ZNF891: variants seen among roughly 807,000 people sequenced by gnomAD.
ZNF891 encodes zinc finger protein 891.
For missense variants in ZNF891, 589 were observed against 632.7 expected, an observed-to-expected ratio of 0.93 and a Z score of 0.74; for synonymous variants, 199 against 209.0, an observed-to-expected ratio of 0.95 and a Z score of 0.41.
In ZNF891 at chr12:133,107,830, A is replaced by G. The variant is rs1473769248; in HGVS notation, c.*12454T>C. 1 of 152,208 alleles carries G rather than the reference A, an allele frequency of 6.6e-6. No individual in the cohort carries two copies. The highest frequency in any genetic ancestry group is 1.5e-5 in the Non-Finnish European group (1 of 68,020). 9.4% of individuals were successfully genotyped at this position (152,208 alleles called of 1,614,324 possible). ...CTTAATCAGGAAGGTAAGCAATTTT[A>G]TTTTGTAGAAAGAGAGGTAGAGAAT... On this transcript the variant is annotated 3_prime_UTR_variant, in exon 2 of 2. Coordinates refer to ENST00000537226, the MANE Select transcript of ZNF891 (RefSeq NM_001277291.2).
In ZNF891 at chr12:133,111,784, A is replaced by C. The variant is rs1293622662; in HGVS notation, c.*8500T>G. 1 of 152,218 alleles carries C rather than the reference A, an allele frequency of 6.6e-6. No individual in the cohort carries two copies. Among genetic ancestry groups the C allele is most frequent in the East Asian group, 1.9e-4 (1 of 5,206 alleles). 9.4% of individuals were successfully genotyped at this position (152,218 alleles called of 1,614,324 possible). A position where few individuals can be genotyped will look rare whatever the true frequency, so the allele number is the denominator to read the frequency against. ...AAACAAATCTCATTGTCTTTTAAAAAGTGAATGCAACTTATGGAAAAATTA... is the reference window on the plus strand; with the variant it reads ...AAACAAATCTCATTGTCTTTTAAAACGTGAATGCAACTTATGGAAAAATTA... On this transcript the variant is annotated 3_prime_UTR_variant, in exon 2 of 2. Coordinates refer to ENST00000537226, the MANE Select transcript of ZNF891 (RefSeq NM_001277291.2).
At chr12:133,123,078 T>C (rs1181900000) in intron 1 of ZNF891, among the ~76,000 whole-genome samples, 1 of 152,220 alleles carries the variant, frequency 6.6e-6, no homozygotes, top group Non-Finnish European at 1.5e-5. Context: ...GAAGACTAGG[T>C]AGTTAACCGT....
chr12:133,128,624 ACT>A (rs1480874876), intron 1 of ZNF891, among the ~76,000 whole-genome samples: 1 of 151,960 alleles, frequency 6.6e-6, no homozygotes, highest in African/African-American at 2.4e-5. Flanking sequence ...AGAGAGAGAG[ACT>A]CTGTCTCAAA....
rs7959401 is a variant in ZNF891, at chr12:133,117,798, C to T, written c.*2486G>A. The T allele has an allele frequency of 0.29, 43,940 of 152,034 alleles. 6,584 individuals carry two copies. Among genetic ancestry groups the T allele is most frequent in the African/African-American group, 0.34 (14,081 of 41,434 alleles). The allele number at this position is 152,034 out of a possible 1,614,324, so 9.4% of individuals were successfully genotyped here. A position where few individuals can be genotyped will look rare whatever the true frequency, so the allele number is the denominator to read the frequency against. On this transcript the variant is annotated 3_prime_UTR_variant, in exon 2 of 2. Coordinates refer to ENST00000537226, the MANE Select transcript of ZNF891 (RefSeq NM_001277291.2). ...CCCTTTATTGATTCCTAAAGTCAGC[C>T]CAATCTAGCAACCATCTTCATTATG... is the stretch of plus-strand genomic sequence containing the variant.
rs1955533989 is a variant in ZNF891, at chr12:133,104,955, C to T, written c.*15329G>A. Among the ~76,000 whole-genome samples the T allele has an allele frequency of 6.6e-6, 1 of 152,122 alleles. No individual in the cohort carries two copies. Among genetic ancestry groups the T allele is most frequent in the African/African-American group, 2.4e-5 (1 of 41,428 alleles). ...TTAATCCTTACCCTCCTCCCACATT[C>T]CACCCTCAAATAGGTCCCAGAAAAG... On this transcript the variant is annotated 3_prime_UTR_variant, in exon 2 of 2. Transcript: ENST00000537226.
In ZNF891 at chr12:133,109,573, G is replaced by A. The variant is rs997102548; in HGVS notation, c.*10711C>T. 3.9e-5 allele frequency: 6 copies of A among 152,120 alleles called. No homozygotes were observed. Among genetic ancestry groups the A allele is most frequent in the Non-Finnish European group, 5.9e-5 (4 of 68,030 alleles). 9.4% of individuals were successfully genotyped at this position (152,120 alleles called of 1,614,324 possible). ...AAGAAAAACTATTGCAGTGGGGGAC[G>A]GGGGGCTCATATGTACACTGTGAAA... On this transcript the variant is annotated 3_prime_UTR_variant, in exon 2 of 2. Transcript: ENST00000537226.
Position 133,119,214 on chromosome 12 carries a change from T to G in ZNF891, c.*1070A>C, listed in dbSNP as rs1374103544. On this transcript the variant is annotated 3_prime_UTR_variant, in exon 2 of 2. Coordinates refer to ENST00000537226, the MANE Select transcript of ZNF891 (RefSeq NM_001277291.2). ...TAGCCTGAGAGACAGAGACTCTGTC[T>G]GAAAAATTGAAAAAAAAAAAGAAAA... The G allele has an allele frequency of 4.9e-5, 7 of 143,752 alleles. No individual in the cohort carries two copies. The East Asian group carries it at 7.9e-4, about 16-fold the overall frequency. The allele number at this position is 143,752 out of a possible 1,614,324, so 8.9% of individuals were successfully genotyped here. A position where few individuals can be genotyped will look rare whatever the true frequency, so the allele number is the denominator to read the frequency against.
intron 1 of ZNF891, among the ~76,000 whole-genome samples, chr12:133,127,313 T>C (rs1955827608): frequency 1.3e-5 from 2 of 152,122 alleles, no homozygotes; most frequent in Non-Finnish European, 2.9e-5. Context: ...AACTGATCCA[T>C]CAAAGCAAGT....
chr12:133,129,952 C>A (rs916454809), intron 1 of ZNF891, among the ~76,000 whole-genome samples: 1 of 152,200 alleles, frequency 6.6e-6, no homozygotes, highest in African/African-American at 2.4e-5. Context: ...ACGCGCATCC[C>A]CGGCCCCCCA....
In ZNF891 at chr12:133,106,310, ATT is replaced by A. The variant is rs1169323933; in HGVS notation, c.*13972_*13973del. ...AGCTTTCCGTTGTCACTCATTCCTT[ATT>A]AAACATCAGAGAATTCATGCTGGAG... On this transcript the variant is annotated 3_prime_UTR_variant, in exon 2 of 2. Coordinates refer to ENST00000537226, the MANE Select transcript of ZNF891 (RefSeq NM_001277291.2). The A allele has an allele frequency of 1.2e-6, 2 of 1,614,080 alleles. No individual in the cohort carries two copies. Among genetic ancestry groups the A allele is most frequent in the Non-Finnish European group, 1.7e-6 (2 of 1,180,026 alleles).
In ZNF891 at chr12:133,107,927, T is replaced by G. The variant is rs1955648113; in HGVS notation, c.*12357A>C. The G allele has an allele frequency of 6.6e-6, 1 of 152,222 alleles. No individual in the cohort carries two copies. Among genetic ancestry groups the G allele is most frequent in the South Asian group, 2.1e-4 (1 of 4,834 alleles). 9.4% of individuals were successfully genotyped at this position (152,222 alleles called of 1,614,324 possible). On this transcript the variant is annotated 3_prime_UTR_variant, in exon 2 of 2. Coordinates refer to ENST00000537226, the MANE Select transcript of ZNF891 (RefSeq NM_001277291.2). ...AGGGCACATTTGTAGGAGGTGTTAT[T>G]AGATAAATATAAGTAATTTTGTAAG...
rs767400791 is a variant in ZNF891, at chr12:133,106,553, T to G, written c.*13731A>C. 4 of 1,613,896 alleles carry G rather than the reference T, an allele frequency of 2.5e-6. No homozygotes were observed. The highest frequency in any genetic ancestry group is 2.5e-6 in the Non-Finnish European group (3 of 1,179,988). On this transcript the variant is annotated 3_prime_UTR_variant, in exon 2 of 2. Coordinates refer to ENST00000537226, the MANE Select transcript of ZNF891 (RefSeq NM_001277291.2). The stretch of plus-strand genomic sequence containing the variant: ...ATGCAACAAATCCTTCAGCTGGAGC[T>G]CAAACCTTGCTAAACATCAGAGGAC...
Position 133,106,631 on chromosome 12 carries a change from T to C in ZNF891, c.*13653A>G. 6.3e-7 allele frequency: 1 copy of C among 1,593,270 alleles called. No individual in the cohort carries two copies. The highest frequency in any genetic ancestry group is 8.5e-7 in the Non-Finnish European group (1 of 1,173,064). On this transcript the variant is annotated 3_prime_UTR_variant, in exon 2 of 2. Coordinates refer to ENST00000537226, the MANE Select transcript of ZNF891 (RefSeq NM_001277291.2). The stretch of plus-strand genomic sequence containing the variant: ...TGAAAATTCATTTAATTACCACTCA[T>C]TCCTTACTGAACACCAGTGAATTTA...
chr12:133,120,392 A>C lies in ZNF891; in HGVS notation c.1527T>G (p.Ile509Met). The C allele has an allele frequency of 6.3e-7, 1 of 1,597,592 alleles. No individual in the cohort carries two copies. The highest frequency in any genetic ancestry group is 1.7e-5 in the Admixed American group (1 of 57,514). Residue 509 changes from isoleucine (I) to methionine (M), a missense_variant, in exon 2 of 2, where the codon ATT becomes ATG. Transcript: ENST00000537226. Reference protein sequence around the residue: ...VSSSLRRHVRIHTGEKPYECI... With the variant: ...VSSSLRRHVRMHTGEKPYECI... ...ATTCATAGGGTTTCTCTCCAGTGTGAATTCTCACATGCCTCCTAAGGGAAG... is the reference window on the plus strand; with the variant it reads ...ATTCATAGGGTTTCTCTCCAGTGTGCATTCTCACATGCCTCCTAAGGGAAG...
At chr12:133,127,599 T>C (rs1955829491) in intron 1 of ZNF891, among the ~76,000 whole-genome samples, 1 of 152,234 alleles carries the variant, frequency 6.6e-6, no homozygotes, top group African/African-American at 2.4e-5. Flanking sequence ...TTAATATATG[T>C]AGATCATATG....
intron 1 of ZNF891, among the ~76,000 whole-genome samples, chr12:133,129,802 T>C (rs938546857): frequency 1.3e-5 from 2 of 152,160 alleles, no homozygotes; most frequent in Admixed American, 6.5e-5. Context: ...CCATATCGCA[T>C]TCAACCACAG....
Position 133,121,152 on chromosome 12 carries a change from T to C in ZNF891, c.767A>G (p.His256Arg). 1.3e-6 allele frequency: 2 copies of C among 1,535,274 alleles called. No homozygotes were observed. The highest frequency in any genetic ancestry group is 1.7e-6 in the Non-Finnish European group (2 of 1,146,662). ...TTGTACTGTTTGATTTCTCTGAAAA[T>C]GCCATAGAGTTGTATCACATTCATG... ...ESHECDTTLW[H>R]FQRNQTVQKE... The change falls in exon 2 of 2, where the codon CAT becomes CGT. Residue 256 changes from histidine (H) to arginine (R), a missense_variant. Coordinates refer to ENST00000537226, the MANE Select transcript of ZNF891 (RefSeq NM_001277291.2).
Position 133,107,936 on chromosome 12 carries a change from ATAAG to A in ZNF891, c.*12344_*12347del, listed in dbSNP as rs1309861806. 2 of 152,240 alleles carry A rather than the reference ATAAG, an allele frequency of 1.3e-5. No homozygotes were observed. Among genetic ancestry groups the A allele is most frequent in the Non-Finnish European group, 2.9e-5 (2 of 68,034 alleles). 9.4% of individuals were successfully genotyped at this position (152,240 alleles called of 1,614,324 possible). On this transcript the variant is annotated 3_prime_UTR_variant, in exon 2 of 2. Coordinates refer to ENST00000537226, the MANE Select transcript of ZNF891 (RefSeq NM_001277291.2). ...TTGTAGGAGGTGTTATTAGATAAAT[ATAAG>A]TAATTTTGTAAGAGGTGAAATTTAT... is the stretch of plus-strand genomic sequence containing the variant.
intron 1 of ZNF891, among the ~76,000 whole-genome samples, chr12:133,128,612 CGAGA>C (rs879496829): frequency 1.3e-5 from 2 of 151,748 alleles, no homozygotes; most frequent in African/African-American, 2.4e-5. Flanking sequence ...CCCGCCTGGG[CGAGA>C]GAGAGAGACT....
Sources: allele counts gnomAD v4.1 joint callset (sites outside exome capture counted in the v4.1 genomes callset), GRCh38; gene constraint gnomAD v4.1.1; transcripts MANE v1.5; gene names NCBI Gene and HGNC (gene_info 2026-07-23, HGNC 2026-07-21).